USP6: variants seen among roughly 807,000 people sequenced by gnomAD.
The protein encoded by USP6 is ubiquitin carboxyl-terminal hydrolase 6.
A neutral mutation model predicts 175.7 loss-of-function variants in USP6; 128 were observed. The observed-to-expected ratio is 0.73, with a 90% confidence interval of 0.63 to 0.84. The LOEUF is 0.84. Ranked by LOEUF, USP6 falls within the 40% of genes least tolerant of loss-of-function variation. The pLI, the probability that USP6 is intolerant of heterozygous loss-of-function variation, is 0.00. For synonymous variants in USP6, 562 were observed against 630.6 expected, an observed-to-expected ratio of 0.89 and a Z score of 1.63; for missense variants, 1,498 against 1,760.3, an observed-to-expected ratio of 0.85 and a Z score of 2.67.
rs763413200 is a variant in USP6, at chr17:5,148,759, C to A, written c.2635C>A (p.Arg879=). 6.2e-7 allele frequency: 1 copy of A among 1,611,034 alleles called. No homozygotes were observed. Among genetic ancestry groups the A allele is most frequent in the East Asian group, 2.2e-5 (1 of 44,830 alleles). Residue 879 remains arginine (R), a synonymous_variant, in exon 30 of 38, where the codon CGA becomes AGA. Coordinates refer to ENST00000574788, the MANE Select transcript of USP6 (RefSeq NM_001304284.2). ...TACAGGTTACATCATTGCAGTCCAC[C>A]GAAAAATGGTTAGTTAAATGTTAGG... The part of the protein sequence containing the change: ...PFTGYIIAVH[R]KMMRTELYFL...
In USP6 at chr17:5,132,024, ACTC is replaced by A; in HGVS notation, c.156-369_156-367del. Among the ~76,000 whole-genome samples the A allele has an allele frequency of 6.6e-6, 1 of 151,806 alleles. No homozygotes were observed. The highest frequency in any genetic ancestry group is 1.5e-5 in the Non-Finnish European group (1 of 67,884). ...GGGTGATGTGGTCACTCCCTGAGGG[ACTC>A]CTGTCAGGGCCCGGTCGCCCATGCT... On this transcript the variant is annotated intron_variant, in intron 11 of 37. Transcript: ENST00000574788. The surrounding 1 kb of genome is among the most constrained non-coding windows in gnomAD (Gnocchi z 4.7).
rs761260967 is a variant in USP6, at chr17:5,138,123, C to T, written c.928C>T (p.Arg310Cys). Residue 310 changes from arginine (R) to cysteine (C), a missense_variant and splice_region_variant, in exon 21 of 38, where the codon CGC becomes TGC. Coordinates refer to ENST00000574788, the MANE Select transcript of USP6 (RefSeq NM_001304284.2). ...TSIALKVQQK[R>C]LMKTSRCGLW... Reference sequence around the variant, plus strand: ...CCTGATATCCACCCTGTCCCTAGAGCGCCTCATGAAGACATCCAGGTGTGG... The same window carrying T: ...CCTGATATCCACCCTGTCCCTAGAGTGCCTCATGAAGACATCCAGGTGTGG... The T allele has an allele frequency of 1.7e-5, 27 of 1,613,926 alleles. No homozygotes were observed. Among genetic ancestry groups the T allele is most frequent in the East Asian group, 4.5e-5 (2 of 44,890 alleles).
At position 5,133,527 on chromosome 17, in the gene USP6, T is replaced by C. The variant is rs765820855; in HGVS notation, c.361T>C (p.Leu121=). The change falls in exon 14 of 38, where the codon TTG becomes CTG. Residue 121 remains leucine, a synonymous_variant. Transcript: ENST00000574788. ...SVLLNIQEIK[L]KNPGRYQIMK... is the part of the protein sequence containing the mutation. Reference sequence around the variant, plus strand: ...CCTCCTGAACATTCAGGAAATCAAGTTGAAAAACCCCGGAAGATACCAGGT... The same window carrying C: ...CCTCCTGAACATTCAGGAAATCAAGCTGAAAAACCCCGGAAGATACCAGGT... The C allele has an allele frequency of 1.1e-5, 18 of 1,610,896 alleles. No individual in the cohort carries two copies. The highest frequency in any genetic ancestry group is 1.5e-5 in the Non-Finnish European group (18 of 1,179,338).
rs933865055 is a variant in USP6 at position 5,161,420 on chromosome 17, T to C, written c.2829-108T>C. 24 of 1,111,594 alleles carry C rather than the reference T, an allele frequency of 2.2e-5. No homozygotes were observed. The Admixed American group carries it at 3.6e-4, about 17-fold the overall frequency. 68.9% of individuals were successfully genotyped at this position (1,111,594 alleles called of 1,614,324 possible). A position where few individuals can be genotyped will look rare whatever the true frequency, so the allele number is the denominator to read the frequency against. ...CATTGAGCTGTCAACATGAGCATAC[T>C]GCTGTGGCAAATGCCCCTTCCTAGG... On this transcript the variant is annotated intron_variant, in intron 31 of 37. Transcript: ENST00000574788.
intron 35 of USP6, among the ~76,000 whole-genome samples, chr17:5,169,661 C>T (rs895033682): frequency 2.0e-5 from 3 of 152,144 alleles, no homozygotes; most frequent in Non-Finnish European, 2.9e-5. Flanking sequence ...AGGCTGGGCT[C>T]GAACTCCTGC....
In USP6 at chr17:5,130,614, G is replaced by T; in HGVS notation, c.85G>T (p.Gly29Trp). Residue 29 changes from glycine (G) to tryptophan (W), a missense_variant, in exon 11 of 38, where the codon GGG becomes TGG. Transcript: ENST00000574788. Reference protein sequence around the residue: ...LMKYDKGHRAGLPEDKGPEPV... With the variant: ...LMKYDKGHRAWLPEDKGPEPV... ...CTCTGGGTTACAGGGACACCGAGCT[G>T]GGCTGCCAGAGGACAAGGGGCCTGA... 1 of 1,613,848 alleles carries T rather than the reference G, an allele frequency of 6.2e-7. No individual in the cohort carries two copies.
chr17:5,122,698 G>C (rs1209921745), intron 4 of USP6, among the ~76,000 whole-genome samples: 1 of 152,204 alleles, frequency 6.6e-6, no homozygotes, highest in Non-Finnish European at 1.5e-5. Context: ...AGCTGCCCGC[G>C]CCTAAGCTCC....
chr17:5,126,446 G>A (rs2072897248), intron 6 of USP6, among the ~76,000 whole-genome samples: 2 of 152,162 alleles, frequency 1.3e-5, no homozygotes, highest in Non-Finnish European at 2.9e-5. Flanking sequence ...GATTCTCAGG[G>A]CTCTAAGCAG....
chr17:5,145,372 T>C, intron 26 of USP6, 33 bp from the exon 27 acceptor site: 1 of 1,550,146 alleles, frequency 6.5e-7, no homozygotes, highest in East Asian at 2.3e-5. Flanking sequence ...CTTTTGGATT[T>C]TGAGAGAAAA....
intron 4 of USP6, among the ~76,000 whole-genome samples, chr17:5,123,717 C>T (rs1304971773): frequency 1.3e-5 from 2 of 152,132 alleles, no homozygotes; most frequent in Admixed American, 6.5e-5. Context: ...TCTCACGGGA[C>T]ACACGCAGGT....
intron 1 of USP6, among the ~76,000 whole-genome samples, 200 bp from the exon 2 acceptor site, chr17:5,118,000 C>T (rs2072572260): frequency 2.0e-5 from 3 of 149,082 alleles, no homozygotes; most frequent in South Asian, 2.1e-4. Context: ...ACCTGGGAGG[C>T]GGAGATTGAA....
chr17:5,126,857 T>C (rs2072910431), intron 6 of USP6: 1 of 152,236 alleles, frequency 6.6e-6, no homozygotes, highest in African/African-American at 2.4e-5. Flanking sequence ...AAGTGAGAGG[T>C]GTGGGGTGTG....
chr17:5,159,569 G>T (rs1386908879), intron 31 of USP6, among the ~76,000 whole-genome samples: 2 of 152,160 alleles, frequency 1.3e-5, no homozygotes, highest in Non-Finnish European at 2.9e-5. Flanking sequence ...AAAGAAGCTG[G>T]AATGTTTTAG....
rs1042043220 is a variant in USP6, at chr17:5,163,004, G to A, written c.3036G>A (p.Arg1012=). ...LHLRYQTSQE[R]VVDKHESVEQ... ...TTCGCTATCAAACATCCCAGGAAAG[G>A]GTAAGAATTTAGGGCCACCGTAAAA... Residue 1012 remains arginine, a splice_region_variant and synonymous_variant, in exon 33 of 38, where the codon AGG becomes AGA. Coordinates refer to ENST00000574788, the MANE Select transcript of USP6 (RefSeq NM_001304284.2). 6 of 1,572,806 alleles carry A rather than the reference G, an allele frequency of 3.8e-6. No individual in the cohort carries two copies. Among genetic ancestry groups the A allele is most frequent in the Middle Eastern group, 1.7e-4 (1 of 5,950 alleles).
intron 30 of USP6, among the ~76,000 whole-genome samples, chr17:5,153,049 T>G (rs572323455): frequency 8.5e-5 from 13 of 152,170 alleles, no homozygotes; most frequent in Non-Finnish European, 1.6e-4. Context: ...ATATAAAAAC[T>G]TTTAAAACAG....
chr17:5,173,032 AGCT>A lies in USP6; in HGVS notation c.*56_*58del. On this transcript the variant is annotated 3_prime_UTR_variant, in exon 38 of 38. Coordinates refer to ENST00000574788, the MANE Select transcript of USP6 (RefSeq NM_001304284.2). ...GGTGGCGAGGGAGATGACTCCTTGT[AGCT>A]GATACTTGGCAAAAGTGTCACTGAA... 7 of 1,582,214 alleles carry A rather than the reference AGCT, an allele frequency of 4.4e-6. No homozygotes were observed. Among genetic ancestry groups the A allele is most frequent in the Non-Finnish European group, 5.2e-6 (6 of 1,160,066 alleles).
At chr17:5,146,525 T>A (rs2073616859) in intron 28 of USP6, among the ~76,000 whole-genome samples, 1 of 152,318 alleles carries the variant, frequency 6.6e-6, no homozygotes, top group African/African-American at 2.4e-5. Flanking sequence ...TTACCACTGT[T>A]ACTAGAATTC....
At chr17:5,136,809 T>A in intron 18 of USP6, 75 bp downstream of exon 18, 3 of 1,575,424 alleles carry the variant, frequency 1.9e-6, no homozygotes, top group Non-Finnish European at 2.6e-6. Flanking sequence ...GGGACTGGAG[T>A]CCCTTGTGGG....
chr17:5,147,200 A>G lies in USP6; in HGVS notation c.2431+6A>G. 1 of 1,605,886 alleles carries G rather than the reference A, an allele frequency of 6.2e-7. No individual in the cohort carries two copies. The highest frequency in any genetic ancestry group is 2.2e-5 in the East Asian group (1 of 44,728). On this transcript the variant is annotated splice_donor_region_variant and intron_variant, in intron 29 of 37. Coordinates refer to ENST00000574788, the MANE Select transcript of USP6 (RefSeq NM_001304284.2). ...TTCTAGTCCAACACAAATAGGTAAGATAGAACTAGAACTCCTTCTCATGAC... is the reference window on the plus strand; with the variant it reads ...TTCTAGTCCAACACAAATAGGTAAGGTAGAACTAGAACTCCTTCTCATGAC...
Sources: allele counts gnomAD v4.1 joint callset (sites outside exome capture counted in the v4.1 genomes callset), GRCh38; gene constraint gnomAD v4.1.1; non-coding constraint Gnocchi (gnomAD v3.1); transcripts MANE v1.5; gene names NCBI Gene and HGNC (gene_info 2026-07-23, HGNC 2026-07-21).